Variants in SEL1L3 observed in about 807,000 individuals in gnomAD.
SEL1L3 encodes protein sel-1 homolog 3.
SEL1L3 carries 76 observed loss-of-function variants against 142.8 expected under a neutral mutation model. The observed-to-expected ratio is 0.53, with a 90% CI of 0.44 to 0.64. SEL1L3 has a LOEUF of 0.64. Ranked by LOEUF, SEL1L3 falls within the 30% of genes least tolerant of loss-of-function variation. The pLI is 0.00. For missense variants in SEL1L3, 1,262 were observed against 1,381.7 expected, an observed-to-expected ratio of 0.91 and a Z score of 1.37; for synonymous variants, 504 against 519.6, an observed-to-expected ratio of 0.97 and a Z score of 0.41.
rs117656248 is a variant in SEL1L3, at chr4:25,838,820, A to T, written c.734-3497T>A. On this transcript the variant is annotated intron_variant, in intron 2 of 23. Coordinates refer to ENST00000399878, the MANE Select transcript of SEL1L3 (RefSeq NM_015187.5). ...CTGGGTCAGGTGGGGTTAAGGGACG[A>T]TTATGTAGCCCATTCTCTGGTTCAG... Among the ~76,000 whole-genome samples, 36 of 152,342 alleles carry T rather than the reference A, an allele frequency of 2.4e-4. No individual in the cohort carries two copies. The East Asian group carries it at 6.6e-3, about 28-fold the overall frequency.
chr4:25,751,220 G>A (rs1407767263), intron 23 of SEL1L3, among the ~76,000 whole-genome samples: 3 of 152,112 alleles, frequency 2.0e-5, no homozygotes, highest in Non-Finnish European at 4.4e-5. Context: ...AATTATGCTT[G>A]GTGTACCCTC....
chr4:25,826,880 T>A (rs954378201), intron 6 of SEL1L3, among the ~76,000 whole-genome samples: 1 of 152,092 alleles, frequency 6.6e-6, no homozygotes, highest in African/African-American at 2.4e-5. Flanking sequence ...CCCAGCCTGG[T>A]CTCAAACTCC....
At chr4:25,753,984 C>CATAA (rs35245204) in intron 23 of SEL1L3, among the ~76,000 whole-genome samples, 18,553 of 143,370 alleles carry the variant, frequency 0.13, 1,447 homozygotes, top group African/African-American at 0.21. Context: ...TCCGTCTCAA[C>CATAA]ATAAATAAAT....
At chr4:25,849,559 G>A (rs906336547) in intron 1 of SEL1L3, among the ~76,000 whole-genome samples, 1 of 152,152 alleles carries the variant, frequency 6.6e-6, no homozygotes, top group Non-Finnish European at 1.5e-5. Flanking sequence ...GATTTAATGG[G>A]TCCAGAGTTT....
In SEL1L3 at chr4:25,788,380, A is replaced by T. The variant is rs1297699468; in HGVS notation, c.2077-16T>A. On this transcript the variant is annotated splice_polypyrimidine_tract_variant and intron_variant, in intron 12 of 23. Coordinates refer to ENST00000399878, the MANE Select transcript of SEL1L3 (RefSeq NM_015187.5). The surrounding 1 kb of genome is among the most constrained non-coding windows in gnomAD (Gnocchi z 5.3). ...CCAATCGTTGCTTAAAGATAATAGC[A>T]ATTTAGAACAATGACTTTTCCTGTA... 2.5e-6 allele frequency: 4 copies of T among 1,612,976 alleles called. No homozygotes were observed. Among genetic ancestry groups the T allele is most frequent in the Non-Finnish European group, 3.4e-6 (4 of 1,179,586 alleles).
At chr4:25,719,686 ATTTT>A in the SEL1L3 span, 2 of 152,174 alleles carry the variant, frequency 1.3e-5, no homozygotes, top group Non-Finnish European at 2.9e-5. Flanking sequence ...AGATTACAGA[ATTTT>A]TAGAGAATCA....
intron 1 of SEL1L3, among the ~76,000 whole-genome samples, chr4:25,855,748 G>A (rs969247489): frequency 1.3e-5 from 2 of 151,858 alleles, no homozygotes; most frequent in African/African-American, 2.4e-5. Flanking sequence ...ACAACAGAGC[G>A]AGATTCCGTC....
intron 9 of SEL1L3, among the ~76,000 whole-genome samples, chr4:25,805,398 A>G (rs1713486487): frequency 6.6e-6 from 1 of 152,200 alleles, no homozygotes; most frequent in African/African-American, 2.4e-5. Flanking sequence ...GAGAAGAATA[A>G]CTTGTCTAAA....
chr4:25,764,062 A>G (rs1230681375), intron 20 of SEL1L3, among the ~76,000 whole-genome samples: 1 of 152,232 alleles, frequency 6.6e-6, no homozygotes, highest in Non-Finnish European at 1.5e-5. Flanking sequence ...ATTGAGAATC[A>G]TCGTTAGAAC....
At chr4:25,780,676 A>C (rs1275962740) in intron 15 of SEL1L3, among the ~76,000 whole-genome samples, 1 of 150,212 alleles carries the variant, frequency 6.7e-6, no homozygotes, top group African/African-American at 2.4e-5. Flanking sequence ...CCCTTATAAA[A>C]TAGCATTTCC....
At chr4:25,746,541 T>TATTTATA (rs1203314432), downstream of SEL1L3, among the ~76,000 whole-genome samples, 3 of 77,322 alleles carry the variant, frequency 3.9e-5, no homozygotes, top group Non-Finnish European at 9.2e-5. Flanking sequence ...AATATATATA[T>TATTTATA]TCAAATGTAT....
intron 15 of SEL1L3, among the ~76,000 whole-genome samples, chr4:25,781,811 C>T (rs1044319228): frequency 1.3e-5 from 2 of 152,220 alleles, no homozygotes; most frequent in African/African-American, 4.8e-5. Context: ...TTAATCAACA[C>T]TAAAGATTGC....
intron 10 of SEL1L3, 86 bp downstream of exon 10, chr4:25,804,455 T>C (rs986999900): frequency 1.0e-5 from 10 of 955,234 alleles, no homozygotes; most frequent in Admixed American, 6.1e-5. Flanking sequence ...AGCTGCAACA[T>C]GTCCAGTTCT....
In SEL1L3 at chr4:25,776,339, C is replaced by G; in HGVS notation, c.2607G>C (p.Glu869Asp). Reference protein sequence around the residue: ...KAVVWAKHVAEKNGYLGHVIR... With the variant: ...KAVVWAKHVADKNGYLGHVIR... ...TGACATGGCCCAAGTAGCCATTTTT[C>G]TCAGCTACATGTTTTGCCCATCTGA... The change falls in exon 17 of 24, where the codon GAG (glutamate) becomes GAC (aspartate). Residue 869 changes from glutamate (E) to aspartate (D), a missense_variant. By Grantham distance (45) the Glu-to-Asp change is conservative. Coordinates refer to ENST00000399878, the MANE Select transcript of SEL1L3 (RefSeq NM_015187.5). 1 of 1,612,104 alleles carries G rather than the reference C, an allele frequency of 6.2e-7. No individual in the cohort carries two copies. Among genetic ancestry groups the G allele is most frequent in the Non-Finnish European group, 8.5e-7 (1 of 1,178,752 alleles).
chr4:25,787,008 A>T (rs1305868101), intron 13 of SEL1L3, among the ~76,000 whole-genome samples: 1 of 152,174 alleles, frequency 6.6e-6, no homozygotes, highest in Non-Finnish European at 1.5e-5. Context: ...TTGGATATGG[A>T]CATAAGTCCA....
the SEL1L3 span, among the ~76,000 whole-genome samples, chr4:25,726,819 G>A: frequency 6.6e-6 from 1 of 152,136 alleles, no homozygotes; most frequent in African/African-American, 2.4e-5. Context: ...TCGCTTGTGA[G>A]ACGTGCTACA....
At position 25,758,970 on chromosome 4, in the gene SEL1L3, G is replaced by A. The variant is rs746251523; in HGVS notation, c.3054C>T (p.Asn1018=). The part of the protein sequence containing the change: ...LEIDSTLHSN[N]ISILQELYER... ...CGTACAGTTCCTGGAGAATGGAGAT[G>A]TTATTAGAATGGAGAGTTGAGTCAA... Residue 1018 remains asparagine, a synonymous_variant, in exon 21 of 24, where the codon AAC becomes AAT. Coordinates refer to ENST00000399878, the MANE Select transcript of SEL1L3 (RefSeq NM_015187.5). 1.2e-6 allele frequency: 2 copies of A among 1,613,832 alleles called. No homozygotes were observed. The highest frequency in any genetic ancestry group is 1.1e-5 in the South Asian group (1 of 91,062).
intron 13 of SEL1L3, among the ~76,000 whole-genome samples, chr4:25,787,455 G>A (rs1711929767): frequency 6.6e-6 from 1 of 152,094 alleles, no homozygotes; most frequent in Non-Finnish European, 1.5e-5. Context: ...CAGGTAGCTG[G>A]GATTACAGGC....
At chr4:25,823,874 G>A (rs572441489) in intron 6 of SEL1L3, among the ~76,000 whole-genome samples, 18 of 152,248 alleles carry the variant, frequency 1.2e-4, no homozygotes, top group Admixed American at 1.2e-3. Context: ...TCAGAACGAG[G>A]GATGGACTGT....
Sources: allele counts gnomAD v4.1 joint callset (sites outside exome capture counted in the v4.1 genomes callset), GRCh38; gene constraint gnomAD v4.1.1; non-coding constraint Gnocchi (gnomAD v3.1); transcripts MANE v1.5; gene names NCBI Gene and HGNC (gene_info 2026-07-23, HGNC 2026-07-21).